The following CNTNAP2 variants were observed in gnomAD, a reference collection of about 807,000 sequenced individuals.
CNTNAP2 encodes contactin associated protein 2, also known as contactin-associated protein-like 2.
Under a neutral mutation model 155.2 loss-of-function variants are expected in CNTNAP2, and 98 were observed. The ratio of observed to expected loss-of-function variants is 0.63; its 90% CI spans 0.54 to 0.75. CNTNAP2 has a LOEUF of 0.75. Ranked by LOEUF, CNTNAP2 falls within the 30% of genes least tolerant of loss-of-function variation. The pLI, the probability that CNTNAP2 is intolerant of heterozygous loss-of-function variation, is 0.00. For missense variants in CNTNAP2, 1,727 were observed against 1,688.1 expected (o/e 1.02, Z -0.40); for synonymous variants, 651 against 631.2 (o/e 1.03, Z -0.47).
chr7:147,523,436 C>T (rs775655395), intron 11 of CNTNAP2, among the ~76,000 whole-genome samples: 2 of 152,128 alleles, frequency 1.3e-5, no homozygotes, highest in Admixed American at 6.5e-5. Flanking sequence ...CTAGGTCCAG[C>T]GAGTCTCAGA....
chr7:147,280,463 C>T (rs1421058787), intron 8 of CNTNAP2, among the ~76,000 whole-genome samples: 1 of 151,860 alleles, frequency 6.6e-6, no homozygotes, highest in Non-Finnish European at 1.5e-5. Flanking sequence ...TTTTCATTTT[C>T]TTTTGATGAC....
intron 13 of CNTNAP2, among the ~76,000 whole-genome samples, chr7:147,746,850 T>A (rs1797052018): frequency 6.6e-6 from 1 of 152,186 alleles, no homozygotes. Flanking sequence ...TAATATGCCA[T>A]GAAGATCTTC....
intron 3 of CNTNAP2, among the ~76,000 whole-genome samples, chr7:147,026,949 C>A (rs1345214975): frequency 2.8e-5 from 4 of 144,036 alleles, no homozygotes; most frequent in African/African-American, 2.6e-5. Flanking sequence ...TTATTGCAAA[C>A]CTGCATCTGT....
At chr7:147,573,027 C>A (rs568763049) in intron 12 of CNTNAP2, among the ~76,000 whole-genome samples, 300 of 152,228 alleles carry the variant, frequency 2.0e-3, no homozygotes, top group African/African-American at 6.7e-3. Context: ...CCAATCACCA[C>A]AACCAAGAAA....
intron 1 of CNTNAP2, among the ~76,000 whole-genome samples, chr7:146,296,336 C>G (rs555131905): frequency 6.6e-6 from 1 of 152,216 alleles, no homozygotes; most frequent in Admixed American, 6.6e-5. Context: ...TGTGAAAACC[C>G]TAGTCCCAGA....
At chr7:147,307,273 T>C (rs982651658) in intron 9 of CNTNAP2, among the ~76,000 whole-genome samples, 13 of 152,174 alleles carry the variant, frequency 8.5e-5, no homozygotes, top group African/African-American at 3.1e-4. Context: ...CTGTCTTATA[T>C]CTAAAATCTT....
intron 1 of CNTNAP2, among the ~76,000 whole-genome samples, chr7:146,151,698 G>GTATATA (rs371723238): frequency 1.3e-5 from 1 of 74,098 alleles, no homozygotes. Context: ...ATATATATAT[G>GTATATA]TATATATATA....
intron 1 of CNTNAP2, among the ~76,000 whole-genome samples, chr7:146,251,777 T>C (rs1463234996): frequency 6.6e-6 from 1 of 152,234 alleles, no homozygotes; most frequent in African/African-American, 2.4e-5. Flanking sequence ...AGCTTCAGAC[T>C]TAACGTCATA....
chr7:146,953,039 T>A (rs796936669), intron 3 of CNTNAP2, among the ~76,000 whole-genome samples: 3 of 152,202 alleles, frequency 2.0e-5, no homozygotes, highest in African/African-American at 7.2e-5. Context: ...ATTACTTCTA[T>A]TGAAATCTTG....
intron 2 of CNTNAP2, among the ~76,000 whole-genome samples, chr7:146,817,124 C>A (rs370607514): frequency 2.0e-5 from 3 of 151,946 alleles, no homozygotes; most frequent in Non-Finnish European, 2.9e-5. Context: ...AAAGGAAAAC[C>A]CTGTTACATA....
chr7:146,472,338 C>A (rs772654863), intron 1 of CNTNAP2, among the ~76,000 whole-genome samples: 1 of 152,066 alleles, frequency 6.6e-6, no homozygotes. Flanking sequence ...TTATTATGTT[C>A]CATATTTTAA....
intron 13 of CNTNAP2, among the ~76,000 whole-genome samples, chr7:147,742,830 A>G (rs1796976474): frequency 6.6e-6 from 1 of 152,176 alleles, no homozygotes; most frequent in Admixed American, 6.5e-5. Context: ...CAAGAGAAAA[A>G]AGAGACTTCT....
At chr7:146,318,736 G>A (rs756089124) in intron 1 of CNTNAP2, among the ~76,000 whole-genome samples, 2 of 151,974 alleles carry the variant, frequency 1.3e-5, no homozygotes, top group African/African-American at 2.4e-5. Context: ...TGGTGAAGCC[G>A]GTGTGGAGGG....
chr7:148,302,569 G>C lies in CNTNAP2; in HGVS notation c.3475+35443G>C, dbSNP rs530781697. On this transcript the variant is annotated intron_variant, in intron 21 of 23. Coordinates refer to ENST00000361727, the MANE Select transcript of CNTNAP2 (RefSeq NM_014141.6). Reference sequence around the variant, plus strand: ...GAACTGTAATCCCCATGTGTCAAGGGGGGACCTGGTGGGAGATGGTTGGAT... The same window carrying C: ...GAACTGTAATCCCCATGTGTCAAGGCGGGACCTGGTGGGAGATGGTTGGAT... 1.0e-3 allele frequency among the ~76,000 whole-genome samples: 155 copies of C among 152,190 alleles called. 2 individuals are homozygous for C. Among genetic ancestry groups the C allele is most frequent in the Non-Finnish European group, 1.5e-3 (101 of 68,012 alleles).
chr7:147,765,653 G>A (rs1227757490), intron 13 of CNTNAP2, among the ~76,000 whole-genome samples: 1 of 152,038 alleles, frequency 6.6e-6, no homozygotes, highest in Admixed American at 6.6e-5. Flanking sequence ...TGAACACTTT[G>A]AGAAACCATT....
intron 23 of CNTNAP2, among the ~76,000 whole-genome samples, chr7:148,413,380 G>T (rs1247308652): frequency 1.5e-5 from 1 of 66,210 alleles, no homozygotes; most frequent in Non-Finnish European, 2.9e-5. Context: ...CAACAAGAGT[G>T]AAACTCCGTC....
At chr7:146,456,180 T>A (rs900531478) in intron 1 of CNTNAP2, among the ~76,000 whole-genome samples, 25 of 152,164 alleles carry the variant, frequency 1.6e-4, no homozygotes, top group African/African-American at 5.1e-4. Context: ...TTTTTGGAAG[T>A]TTGTGAATGC....
chr7:148,266,415 G>A (rs1029461351), intron 20 of CNTNAP2, among the ~76,000 whole-genome samples: 5 of 152,070 alleles, frequency 3.3e-5, no homozygotes, highest in Non-Finnish European at 4.4e-5. Context: ...CTTTGTCCAC[G>A]GGCAACAGGA....
chr7:148,399,388 C>T (rs186214944), intron 22 of CNTNAP2, among the ~76,000 whole-genome samples: 16 of 152,264 alleles, frequency 1.1e-4, no homozygotes, highest in Non-Finnish European at 1.8e-4. Flanking sequence ...TCAAGATCAG[C>T]CTGAGCAACA....
Sources: gnomAD v4.1 joint callset for allele counts (sites outside exome capture counted in the v4.1 genomes callset) on GRCh38, gnomAD v4.1.1 for gene constraint, MANE v1.5 for transcripts, NCBI Gene and HGNC (gene_info 2026-07-23, HGNC 2026-07-21) for gene names.